Variants in ZNF496 observed in about 807,000 individuals in gnomAD.
ZNF496 encodes the protein NSD1 (nuclear receptor binding SET-domain containing 1)-interacting zinc finger protein 1.
Under a neutral mutation model 58.9 loss-of-function variants are expected in ZNF496, and 11 were observed. The observed-to-expected ratio is 0.19, with a 90% CI of 0.12 to 0.31. ZNF496 has a LOEUF of 0.31. Among genes scored for constraint, ZNF496 ranks in the 10% least tolerant of loss-of-function variants. The pLI is 1.00. For missense variants in ZNF496, 660 were observed against 783.0 expected (o/e 0.84, Z 1.88); for synonymous variants, 338 against 318.2 (o/e 1.06, Z -0.66).
intron 5 of ZNF496, among the ~76,000 whole-genome samples, chr1:247,325,441 T>A (rs542443497): frequency 2.0e-5 from 3 of 152,376 alleles, no homozygotes; most frequent in African/African-American, 4.8e-5. Context: ...CTGTACAATG[T>A]GATAACTATA....
Position 247,300,591 on chromosome 1 carries a change from C to G in ZNF496, c.1692G>C (p.Gln564His), listed in dbSNP as rs779672096. The G allele has an allele frequency of 1.2e-6, 2 of 1,614,070 alleles. No homozygotes were observed. Among genetic ancestry groups the G allele is most frequent in the South Asian group, 2.2e-5 (2 of 91,080 alleles). The part of the protein sequence containing the change: ...QCRYCVKSFT[Q>H]NYDLLRHERL... The stretch of plus-strand genomic sequence containing the variant: ...GCTCGTGGCGGAGGAGGTCATAGTT[C>G]TGCGTGAAGCTCTTGACGCAGTACC... The change falls in exon 10 of 10, where the codon CAG (glutamine) becomes CAC (histidine). Residue 564 changes from glutamine to histidine, a missense_variant. By Grantham distance (24) the Gln-to-His change is conservative (BLOSUM62 0). Coordinates refer to ENST00000682384, the MANE Select transcript of ZNF496 (RefSeq NM_032752.3). This position sits in a 1 kb window ranked among gnomAD's most constrained non-coding sequence, Gnocchi z 5.7.
rs1215436977 is a variant in ZNF496 at position 247,316,190 on chromosome 1, GGTGTGTGTGTGTGCGCGCGCGTGCGC to G, written c.652-5760_652-5735del. On this transcript the variant is annotated intron_variant, in intron 6 of 9. Coordinates refer to ENST00000682384, the MANE Select transcript of ZNF496 (RefSeq NM_032752.3). Reference sequence around the variant, plus strand: ...TGTGTGTGCACGACTTCCTGGGAGGGGTGTGTGTGTGTGCGCGCGCGTGCGCGTGTGTGTGTGTGTGTGTGTGAGCG... The same window carrying G: ...TGTGTGTGCACGACTTCCTGGGAGGGGTGTGTGTGTGTGTGTGTGTGAGCG... Among the ~76,000 whole-genome samples, 373 of 145,560 alleles carry G rather than the reference GGTGTGTGTGTGTGCGCGCGCGTGCGC, an allele frequency of 2.6e-3. 3 individuals are homozygous for G. Among genetic ancestry groups the G allele is most frequent in the African/African-American group, 6.9e-3 (274 of 39,456 alleles).
chr1:247,304,004 T>A (rs938764187), intron 9 of ZNF496: 8 of 403,486 alleles, frequency 2.0e-5, no homozygotes, highest in Non-Finnish European at 3.9e-5. Flanking sequence ...GTGGACTGCA[T>A]GGAGGGCAGG....
chr1:247,308,450 C>T lies in ZNF496; in HGVS notation c.1006+25G>A, dbSNP rs182593156. 231 of 1,601,088 alleles carry T rather than the reference C, an allele frequency of 1.4e-4. No homozygotes were observed. The African/African-American group carries it at 2.8e-3, about 19-fold the overall frequency. Reference sequence around the variant, plus strand: ...ACACCACAGACACACAGGGACAAACCCATACCTCCCTGACCCTTCTTTACC... The same window carrying T: ...ACACCACAGACACACAGGGACAAACTCATACCTCCCTGACCCTTCTTTACC... On this transcript the variant is annotated intron_variant, in intron 9 of 9. Transcript: ENST00000682384. The surrounding 1 kb of genome is among the most constrained non-coding windows in gnomAD (Gnocchi z 4.5).
In ZNF496 at chr1:247,323,221, T is replaced by A; in HGVS notation, c.584A>T (p.Asp195Val). ...SQLSGDPVLQ[D>V]AFLLQEENVR... ...ATTCTCTTCCTGAAGAAGGAAAGCA[T>A]CTTGCAGAACTGAAAGAGATCAGAA... The change falls in exon 6 of 10, where the codon GAT becomes GTT. Residue 195 changes from aspartate (D) to valine (V), a missense_variant. Asp to Val is a radical substitution (Grantham distance 152). Coordinates refer to ENST00000682384, the MANE Select transcript of ZNF496 (RefSeq NM_032752.3). 2 of 1,613,950 alleles carry A rather than the reference T, an allele frequency of 1.2e-6. No homozygotes were observed. Among genetic ancestry groups the A allele is most frequent in the Non-Finnish European group, 8.5e-7 (1 of 1,179,866 alleles).
rs1407500026 is a variant in ZNF496, at chr1:247,300,218, G to A, written c.*301C>T. 7.4e-6 allele frequency: 2 copies of A among 271,406 alleles called. No individual in the cohort carries two copies. The highest frequency in any genetic ancestry group is 2.2e-5 in the African/African-American group (1 of 45,750). The allele number at this position is 271,406 out of a possible 1,614,324, so 16.8% of individuals were successfully genotyped here. A position where few individuals can be genotyped will look rare whatever the true frequency, so the allele number is the denominator to read the frequency against. On this transcript the variant is annotated 3_prime_UTR_variant, in exon 10 of 10. Coordinates refer to ENST00000682384, the MANE Select transcript of ZNF496 (RefSeq NM_032752.3). This position sits in a 1 kb window ranked among gnomAD's most constrained non-coding sequence, Gnocchi z 5.7. ...TAGCCCAGTTTTACTCCCCGAGCTT[G>A]GGGAGCATGGGCCAAGGGTCTCTAA...
rs750605955 is a variant in ZNF496, at chr1:247,328,864, G to C, written c.393C>G (p.Leu131=). The change falls in exon 5 of 10, where the codon CTC becomes CTG. Residue 131 remains leucine (L), a splice_region_variant and synonymous_variant. Coordinates refer to ENST00000682384, the MANE Select transcript of ZNF496 (RefSeq NM_032752.3). ...EREPGRPWQW[L]KHCEDPVVID... ...TCACCACAGGGTCTTCACAGTGCTTGAGCTGCAATCCCAGAGACAGCTTTT... is the reference window on the plus strand; with the variant it reads ...TCACCACAGGGTCTTCACAGTGCTTCAGCTGCAATCCCAGAGACAGCTTTT... The C allele has an allele frequency of 6.3e-7, 1 of 1,587,204 alleles. No homozygotes were observed. Among genetic ancestry groups the C allele is most frequent in the Non-Finnish European group, 8.6e-7 (1 of 1,167,022 alleles).
intron 5 of ZNF496, among the ~76,000 whole-genome samples, chr1:247,328,308 C>T (rs955338527): frequency 6.6e-6 from 1 of 152,170 alleles, no homozygotes; most frequent in African/African-American, 2.4e-5. Flanking sequence ...TTCCAAGAGA[C>T]AAGAAATGGC....
intron 6 of ZNF496, among the ~76,000 whole-genome samples, chr1:247,315,034 A>C (rs1476664397): frequency 6.9e-6 from 1 of 145,908 alleles, no homozygotes; most frequent in East Asian, 2.0e-4. Context: ...TATGGGTGTG[A>C]GCCACCAAGC....
At chr1:247,307,758 A>G in intron 9 of ZNF496, 1 of 985,434 alleles carries the variant, frequency 1.0e-6, no homozygotes, top group Non-Finnish European at 1.2e-6. Flanking sequence ...TGGTCTCCAT[A>G]GCTGCAGAAA....
intron 9 of ZNF496, among the ~76,000 whole-genome samples, chr1:247,302,864 G>A (rs1572069381): frequency 1.3e-5 from 2 of 152,130 alleles, no homozygotes; most frequent in Admixed American, 6.5e-5. Flanking sequence ...CTTTTACCAG[G>A]CTGCCGATGA....
chr1:247,323,531 T>C (rs910453342), intron 5 of ZNF496, among the ~76,000 whole-genome samples: 6 of 152,148 alleles, frequency 3.9e-5, no homozygotes, highest in East Asian at 3.9e-4. Context: ...GGGTTCATGA[T>C]AGCACGGTCA....
Position 247,331,534 on chromosome 1 carries a change from G to C in ZNF496, c.-256C>G, listed in dbSNP as rs1389760237. 1 of 152,168 alleles carries C rather than the reference G, an allele frequency of 6.6e-6. No homozygotes were observed. Among genetic ancestry groups the C allele is most frequent in the East Asian group, 2.0e-4 (1 of 5,116 alleles). The allele number at this position is 152,168 out of a possible 1,614,324, so 9.4% of individuals were successfully genotyped here. A position where few individuals can be genotyped will look rare whatever the true frequency, so the allele number is the denominator to read the frequency against. On this transcript the variant is annotated 5_prime_UTR_variant, in exon 2 of 10. Coordinates refer to ENST00000682384, the MANE Select transcript of ZNF496 (RefSeq NM_032752.3). Reference sequence around the variant, plus strand: ...ATCCTCCCAGCCCGCCCGGCCGGGCGTACTCGCTGAGGCGGGGTCTCCGCA... The same window carrying C: ...ATCCTCCCAGCCCGCCCGGCCGGGCCTACTCGCTGAGGCGGGGTCTCCGCA...
rs1417062578 is a variant in ZNF496 at position 247,300,657 on chromosome 1, G to A, written c.1626C>T (p.Ser542=). 1.2e-5 allele frequency: 20 copies of A among 1,613,986 alleles called. No homozygotes were observed. Among genetic ancestry groups the A allele is most frequent in the Non-Finnish European group, 1.6e-5 (19 of 1,180,044 alleles). Residue 542 remains serine, a synonymous_variant, in exon 10 of 10, where the codon AGC becomes AGT. Transcript: ENST00000682384. This position sits in a 1 kb window ranked among gnomAD's most constrained non-coding sequence, Gnocchi z 5.7. ...GGGCTTTGTCCTTCAGGTGAAAGTG[G>A]CTGCGGTGCCGAGCCAGGTGGTCGT... The part of the protein sequence containing the change: ...QRHDHLARHR[S]HFHLKDKARP...
At position 247,301,522 on chromosome 1, in the gene ZNF496, T is replaced by C. The variant is rs77995940; in HGVS notation, c.1007-246A>G. On this transcript the variant is annotated intron_variant, in intron 9 of 9. Transcript: ENST00000682384. ...ACCTTGCTCTCCCTCTTCCCAGCCA[T>C]TTTCCCTTATCTCCACCCCCAACCC... Among the ~76,000 whole-genome samples the C allele has an allele frequency of 4.0e-3, 609 of 152,148 alleles. 5 individuals carry two copies. The highest frequency in any genetic ancestry group is 0.013 in the African/African-American group (552 of 41,528).
chr1:247,309,572 CAT>C lies in ZNF496; in HGVS notation c.892+125_892+126del, dbSNP rs752762509. The stretch of plus-strand genomic sequence containing the variant: ...GACAAGGCAAGACATGCAAGACCCA[CAT>C]AGAGTCTGGGGAAATGAAGAAGGCA... On this transcript the variant is annotated intron_variant, in intron 8 of 9. Coordinates refer to ENST00000682384, the MANE Select transcript of ZNF496 (RefSeq NM_032752.3). The surrounding 1 kb of genome is among the most constrained non-coding windows in gnomAD (Gnocchi z 4.3). The C allele has an allele frequency of 3.1e-4, 450 of 1,468,074 alleles. No individual in the cohort carries two copies. The South Asian group carries it at 4.5e-3, about 15-fold the overall frequency. 90.9% of individuals were successfully genotyped at this position (1,468,074 alleles called of 1,614,324 possible).
Position 247,329,543 on chromosome 1 carries a change from C to T in ZNF496, c.36G>A (p.Pro12=), listed in dbSNP as rs757213090. The T allele has an allele frequency of 2.4e-5, 38 of 1,571,486 alleles. No homozygotes were observed. The highest frequency in any genetic ancestry group is 9.4e-5 in the South Asian group (8 of 84,752). ...PTALCPRVLA[P]KESEEPRKMR... ...TTTTCCTGGGCTCCTCACTTTCCTTCGGAGCCAAGACTCGGGGGCACAGGG... is the reference window on the plus strand; with the variant it reads ...TTTTCCTGGGCTCCTCACTTTCCTTTGGAGCCAAGACTCGGGGGCACAGGG... Residue 12 remains proline (P), a synonymous_variant, in exon 4 of 10, where the codon CCG becomes CCA. Coordinates refer to ENST00000682384, the MANE Select transcript of ZNF496 (RefSeq NM_032752.3). The surrounding 1 kb of genome is among the most constrained non-coding windows in gnomAD (Gnocchi z 5.5).
intron 9 of ZNF496, among the ~76,000 whole-genome samples, chr1:247,302,636 C>T (rs551716538): frequency 3.3e-5 from 5 of 152,236 alleles, no homozygotes; most frequent in South Asian, 2.1e-4. Flanking sequence ...CCACTGCGCC[C>T]GCCGAGAGGC....
At chr1:247,307,181 CT>C in intron 9 of ZNF496, 1 of 985,410 alleles carries the variant, frequency 1.0e-6, no homozygotes, top group Non-Finnish European at 1.2e-6. Context: ...AGAAGCAGAC[CT>C]TATCACCAGC....
Sources: gnomAD v4.1 joint callset for allele counts (sites outside exome capture counted in the v4.1 genomes callset) on GRCh38, gnomAD v4.1.1 for gene constraint, Gnocchi (gnomAD v3.1) non-coding constraint, MANE v1.5 for transcripts, NCBI Gene and HGNC (gene_info 2026-07-23, HGNC 2026-07-21) for gene names.